The following NALF1 variants were observed in gnomAD, a reference collection of about 807,000 sequenced individuals.
NALF1 encodes the protein family with sequence similarity 155 member A.
NALF1 carries 3 observed loss-of-function variants against 48.4 expected under a neutral mutation model. The observed-to-expected ratio is 0.06, with a 90% CI of 0.03 to 0.16. NALF1 has a LOEUF of 0.16. Ranked by LOEUF, NALF1 falls within the 10% of genes least tolerant of loss-of-function variation. NALF1 has a pLI of 1.00. For missense variants in NALF1, 526 were observed against 571.5 expected (o/e 0.92, Z 0.81); for synonymous variants, 262 against 245.7 (o/e 1.07, Z -0.62).
intron 1 of NALF1, among the ~76,000 whole-genome samples, chr13:107,667,687 G>C (rs2138482793): frequency 6.6e-6 from 1 of 152,058 alleles, no homozygotes; most frequent in Non-Finnish European, 1.5e-5. Flanking sequence ...CTTCTAATTT[G>C]CTTCTAGAAA....
chr13:107,191,629 A>G (rs1328054700), intron 2 of NALF1, among the ~76,000 whole-genome samples: 1 of 151,396 alleles, frequency 6.6e-6, no homozygotes, highest in Non-Finnish European at 1.5e-5. Context: ...TGCATCAGTC[A>G]CTCTACGCCA....
intron 1 of NALF1, among the ~76,000 whole-genome samples, chr13:107,651,780 G>T (rs139908035): frequency 6.6e-6 from 1 of 152,184 alleles, no homozygotes; most frequent in Non-Finnish European, 1.5e-5. Flanking sequence ...TACACTTGAG[G>T]ATTACTACAG....
intron 1 of NALF1, among the ~76,000 whole-genome samples, chr13:107,553,353 C>T (rs1877354195): frequency 6.6e-6 from 1 of 152,126 alleles, no homozygotes; most frequent in Non-Finnish European, 1.5e-5. Context: ...GACTTATATA[C>T]ATGTTACCTG....
At chr13:107,228,651 G>T (rs116260837) in intron 1 of NALF1, among the ~76,000 whole-genome samples, 2,365 of 152,058 alleles carry the variant, frequency 0.016, 71 homozygotes, top group African/African-American at 0.054. Context: ...ACAGAGTCTC[G>T]CTCTGTTGCC....
intron 1 of NALF1, among the ~76,000 whole-genome samples, chr13:107,582,898 C>A (rs1402859838): frequency 6.6e-6 from 1 of 152,166 alleles, no homozygotes; most frequent in African/African-American, 2.4e-5. Flanking sequence ...GCTCCATACA[C>A]TGCTTTCTCA....
intron 1 of NALF1, among the ~76,000 whole-genome samples, chr13:107,701,640 T>G (rs1344131787): frequency 6.6e-6 from 1 of 152,050 alleles, no homozygotes; most frequent in Non-Finnish European, 1.5e-5. Flanking sequence ...ATATGTACAA[T>G]AAACAAATCT....
Position 107,414,350 on chromosome 13 carries a change from C to T in NALF1, c.916-203595G>A, listed in dbSNP as rs1403954231. Among the ~76,000 whole-genome samples, 3 of 151,560 alleles carry T rather than the reference C, an allele frequency of 2.0e-5. No homozygotes were observed. In the East Asian group the frequency reaches 5.8e-4, roughly 29 times the overall value. On this transcript the variant is annotated intron_variant, in intron 1 of 2. Transcript: ENST00000375915. ...TCTTTCCCTAACTCTCTCTCCTCCT[C>T]CCTCCCTCCTCTTTGCACATTTTTC...
At chr13:107,745,433 A>C (rs763328624) in intron 1 of NALF1, among the ~76,000 whole-genome samples, 1 of 152,220 alleles carries the variant, frequency 6.6e-6, no homozygotes, top group Non-Finnish European at 1.5e-5. Context: ...TGTCTTTAGC[A>C]GTTCTAGTAT....
chr13:107,732,150 C>T (rs563789416), intron 1 of NALF1, among the ~76,000 whole-genome samples: 2 of 152,166 alleles, frequency 1.3e-5, no homozygotes, highest in African/African-American at 4.8e-5. Flanking sequence ...CATGAAGTTT[C>T]TCCAGATTTC....
rs545400586 is a variant in NALF1 at position 107,862,777 on chromosome 13, C to G, written c.915+2905G>C. Among the ~76,000 whole-genome samples, 13 of 151,800 alleles carry G rather than the reference C, an allele frequency of 8.6e-5. No homozygotes were observed. The East Asian group carries it at 2.5e-3, about 29-fold the overall frequency. ...ATAATTGGTCAAAAAGCCTTTTAAACAATTTAAATCAAAATGAAATTTAAT... is the reference window on the plus strand; with the variant it reads ...ATAATTGGTCAAAAAGCCTTTTAAAGAATTTAAATCAAAATGAAATTTAAT... On this transcript the variant is annotated intron_variant, in intron 1 of 2. Transcript: ENST00000375915.
At chr13:107,790,867 A>G (rs1878211225) in intron 1 of NALF1, among the ~76,000 whole-genome samples, 1 of 152,170 alleles carries the variant, frequency 6.6e-6, no homozygotes, top group South Asian at 2.1e-4. Flanking sequence ...TAGACTTATA[A>G]CAGTGTTACA....
chr13:107,327,773 C>T (rs1166629826), intron 1 of NALF1, among the ~76,000 whole-genome samples: 1 of 152,078 alleles, frequency 6.6e-6, no homozygotes, highest in African/African-American at 2.4e-5. Flanking sequence ...GCTAATTAGC[C>T]TGAACAGCCA....
intron 1 of NALF1, among the ~76,000 whole-genome samples, chr13:107,591,802 T>G (rs543165875): frequency 1.5e-4 from 23 of 152,122 alleles, no homozygotes; most frequent in African/African-American, 5.5e-4. Flanking sequence ...TTTCTAAAAA[T>G]TAAACATTGT....
intron 1 of NALF1, among the ~76,000 whole-genome samples, chr13:107,799,816 T>C (rs1365672399): frequency 6.6e-6 from 1 of 152,086 alleles, no homozygotes; most frequent in South Asian, 2.1e-4. Flanking sequence ...CTTTACTTTG[T>C]AGAGGAAGGT....
intron 1 of NALF1, among the ~76,000 whole-genome samples, chr13:107,568,582 T>C (rs992363838): frequency 3.3e-5 from 5 of 152,236 alleles, no homozygotes; most frequent in African/African-American, 1.2e-4. Flanking sequence ...ATATGAGAGA[T>C]CCATTTTTTA....
intron 1 of NALF1, among the ~76,000 whole-genome samples, chr13:107,828,027 G>T (rs1286807856): frequency 6.6e-6 from 1 of 152,182 alleles, no homozygotes; most frequent in East Asian, 1.9e-4. Flanking sequence ...CTACCCTGAA[G>T]CTGGCTGTGC....
At chr13:107,258,053 T>C (rs1880855633) in intron 1 of NALF1, among the ~76,000 whole-genome samples, 2 of 152,190 alleles carry the variant, frequency 1.3e-5, no homozygotes, top group Non-Finnish European at 2.9e-5. Context: ...TCATATTGAA[T>C]GGGAGTAGCT....
At chr13:107,559,038 C>T (rs1039139915) in intron 1 of NALF1, among the ~76,000 whole-genome samples, 8 of 152,312 alleles carry the variant, frequency 5.3e-5, no homozygotes, top group East Asian at 3.9e-4. Context: ...GGGACTTCTC[C>T]GCCTCCATGA....
chr13:107,751,896 T>A (rs979747369), intron 1 of NALF1, among the ~76,000 whole-genome samples: 1 of 152,106 alleles, frequency 6.6e-6, no homozygotes, highest in Non-Finnish European at 1.5e-5. Flanking sequence ...AACAAATTCA[T>A]GTCATCAAGG....
Sources: gnomAD v4.1 joint callset for allele counts (sites outside exome capture counted in the v4.1 genomes callset) on GRCh38, gnomAD v4.1.1 for gene constraint, MANE v1.5 for transcripts, NCBI Gene and HGNC (gene_info 2026-07-23, HGNC 2026-07-21) for gene names.